The following TERF2IP variants were observed in gnomAD, a reference collection of about 807,000 sequenced individuals.
TERF2IP encodes the protein TERF2 interacting protein, also known as telomeric repeat-binding factor 2-interacting protein 1.
Under a neutral mutation model 33.3 loss-of-function variants are expected in TERF2IP, and 35 were observed. The observed-to-expected ratio is 1.05, with a 90% CI of 0.80 to 1.39. TERF2IP has a LOEUF of 1.39. Ranked by LOEUF, TERF2IP falls within the 40% of genes most tolerant of loss-of-function variation. TERF2IP has a pLI of 0.00. For synonymous variants in TERF2IP, 253 were observed against 223.2 expected (o/e 1.13, Z -1.19); for missense variants, 583 against 524.8 (o/e 1.11, Z -1.08).
chr16:75,654,123 A>G (rs2082366650), intron 1 of TERF2IP, 150 bp from the exon 2 acceptor site: 1 of 641,224 alleles, frequency 1.6e-6, no homozygotes. Context: ...ACCCTTCTGA[A>G]TCAAGAACAG....
At chr16:75,649,151 G>C (rs1018762686) in intron 1 of TERF2IP, among the ~76,000 whole-genome samples, 2 of 152,194 alleles carry the variant, frequency 1.3e-5, no homozygotes, top group African/African-American at 4.8e-5. Flanking sequence ...ACAGGCGTGA[G>C]CCATCACACC....
chr16:75,654,541 G>C, intron 2 of TERF2IP, 144 bp downstream of exon 2: 3 of 889,076 alleles, frequency 3.4e-6, no homozygotes, highest in Non-Finnish European at 3.3e-6. Flanking sequence ...TGGAAAATGG[G>C]ACTGATCTGG....
chr16:75,648,321 T>C lies in TERF2IP; in HGVS notation c.439T>C (p.Tyr147His). 6.4e-7 allele frequency: 1 copy of C among 1,568,658 alleles called. No homozygotes were observed. Among genetic ancestry groups the C allele is most frequent in the Non-Finnish European group, 8.6e-7 (1 of 1,156,664 alleles). ...TDADDVAILT[Y>H]VKENARSPSS... ...TGCGGACGACGTAGCCATCCTTACCTACGTGAAGGAAAATGCCCGCTCGCC... is the reference window on the plus strand; with the variant it reads ...TGCGGACGACGTAGCCATCCTTACCCACGTGAAGGAAAATGCCCGCTCGCC... The change falls in exon 1 of 3, where the codon TAC becomes CAC. Residue 147 changes from tyrosine to histidine, a missense_variant. Tyr to His is a moderately conservative substitution (Grantham distance 83). Coordinates refer to ENST00000300086, the MANE Select transcript of TERF2IP (RefSeq NM_018975.4).
Position 75,647,923 on chromosome 16 carries a change from C to A in TERF2IP, c.41C>A (p.Pro14His). The A allele has an allele frequency of 6.2e-7, 1 of 1,611,642 alleles. No homozygotes were observed. Among genetic ancestry groups the A allele is most frequent in the Non-Finnish European group, 8.5e-7 (1 of 1,178,242 alleles). Residue 14 changes from proline to histidine, a missense_variant, in exon 1 of 3, where the codon CCC becomes CAC. Coordinates refer to ENST00000300086, the MANE Select transcript of TERF2IP (RefSeq NM_018975.4). ...AMDLGKDPNG[P>H]THSSTLFVRD... Reference sequence around the variant, plus strand: ...GATTTGGGCAAAGACCCCAACGGGCCCACCCATTCCTCGACTCTGTTCGTG... The same window carrying A: ...GATTTGGGCAAAGACCCCAACGGGCACACCCATTCCTCGACTCTGTTCGTG...
chr16:75,654,233 A>G (rs1597188496), intron 1 of TERF2IP, 40 bp from the exon 2 acceptor site: 2 of 1,544,616 alleles, frequency 1.3e-6, no homozygotes, highest in Non-Finnish European at 1.8e-6. Context: ...TTTATGTAAA[A>G]GAGGCTATTG....
chr16:75,656,003 G>A (rs557939231), intron 2 of TERF2IP, among the ~76,000 whole-genome samples: 18 of 151,624 alleles, frequency 1.2e-4, no homozygotes, highest in Admixed American at 3.3e-4. Flanking sequence ...ACACACACAC[G>A]CGCACACACA....
intron 1 of TERF2IP, 82 bp from the exon 2 acceptor site, chr16:75,654,191 G>T: frequency 8.7e-7 from 1 of 1,143,652 alleles, no homozygotes; most frequent in Non-Finnish European, 1.2e-6. Flanking sequence ...CTCACTCCTG[G>T]CCCAGAGCTC....
At chr16:75,655,782 A>G (rs1385729838) in intron 2 of TERF2IP, among the ~76,000 whole-genome samples, 1 of 152,212 alleles carries the variant, frequency 6.6e-6, no homozygotes, top group African/African-American at 2.4e-5. Context: ...AACAAAACAT[A>G]CAATTCCTGC....
At chr16:75,652,832 C>T (rs2082357147) in intron 1 of TERF2IP, among the ~76,000 whole-genome samples, 2 of 152,148 alleles carry the variant, frequency 1.3e-5, no homozygotes, top group African/African-American at 4.8e-5. Flanking sequence ...AGAACTTACT[C>T]ATTTTCTAAA....
intron 1 of TERF2IP, among the ~76,000 whole-genome samples, chr16:75,654,029 T>A (rs554716916): frequency 6.2e-4 from 94 of 152,184 alleles, no homozygotes; most frequent in African/African-American, 2.0e-3. Context: ...TGTCAGAGTT[T>A]AAGAATGTAT....
Position 75,647,957 on chromosome 16 carries a change from C to T in TERF2IP, c.75C>T (p.Asp25=), listed in dbSNP as rs1461482613. 1.2e-6 allele frequency: 2 copies of T among 1,613,800 alleles called. No individual in the cohort carries two copies. Among genetic ancestry groups the T allele is most frequent in the Non-Finnish European group, 1.7e-6 (2 of 1,179,840 alleles). ...CCTCGACTCTGTTCGTGAGGGACGA[C>T]GGCAGCTCCATGTCCTTCTACGTGC... The part of the protein sequence containing the change: ...THSSTLFVRD[D]GSSMSFYVRP... The change falls in exon 1 of 3, where the codon GAC becomes GAT. Residue 25 remains aspartate, a synonymous_variant. Transcript: ENST00000300086.
rs1279337692 is a variant in TERF2IP at position 75,648,164 on chromosome 16, G to A, written c.282G>A (p.Leu94=). 1.3e-6 allele frequency: 2 copies of A among 1,565,724 alleles called. No individual in the cohort carries two copies. Among genetic ancestry groups the A allele is most frequent in the Non-Finnish European group, 8.6e-7 (1 of 1,158,068 alleles). Residue 94 remains leucine (L), a synonymous_variant, in exon 1 of 3, where the codon CTG becomes CTA. Transcript: ENST00000300086. ...ACTGCGTGGAGCGCAACGAGAGGCTGGAGCTGGAGGCCTATCGGCTGGGCC... is the reference window on the plus strand; with the variant it reads ...ACTGCGTGGAGCGCAACGAGAGGCTAGAGCTGGAGGCCTATCGGCTGGGCC... The part of the protein sequence containing the change: ...ILDCVERNER[L]ELEAYRLGPA...
chr16:75,654,148 T>TAA (rs34359798), intron 1 of TERF2IP, 125 bp from the exon 2 acceptor site: 5,712 of 289,610 alleles, frequency 0.02, 121 homozygotes, highest in African/African-American at 0.052. Flanking sequence ...CTTCTGATAG[T>TAA]AAAAAAAAAA....
At chr16:75,650,600 A>G (rs184880432) in intron 1 of TERF2IP, among the ~76,000 whole-genome samples, 262 of 152,246 alleles carry the variant, frequency 1.7e-3, no homozygotes, top group African/African-American at 5.9e-3. Context: ...CGGTAGTGCG[A>G]TCACGGCTCA....
chr16:75,648,493 C>T lies in TERF2IP; in HGVS notation c.611C>T (p.Pro204Leu), dbSNP rs1182862626. 1 of 1,588,402 alleles carries T rather than the reference C, an allele frequency of 6.3e-7. No homozygotes were observed. Among genetic ancestry groups the T allele is most frequent in the Non-Finnish European group, 8.6e-7 (1 of 1,167,546 alleles). The change falls in exon 1 of 3, where the codon CCC (proline) becomes CTC (leucine). Residue 204 changes from proline to leucine, a missense_variant. Coordinates refer to ENST00000300086, the MANE Select transcript of TERF2IP (RefSeq NM_018975.4). ...CTGCTGGGGGACGCGCCGGTGAGCC[C>T]CTCCTCCCAGAAGCTCAAGCGGAAG... ...KYLLGDAPVS[P>L]SSQKLKRKAE...
intron 1 of TERF2IP, among the ~76,000 whole-genome samples, chr16:75,653,434 A>G (rs2082361359): frequency 6.6e-6 from 1 of 152,198 alleles, no homozygotes; most frequent in Admixed American, 6.5e-5. Context: ...TTTTGTAACC[A>G]GCACCCACAT....
chr16:75,651,343 G>A (rs1480846420), intron 1 of TERF2IP, among the ~76,000 whole-genome samples: 2 of 152,084 alleles, frequency 1.3e-5, no homozygotes, highest in East Asian at 3.8e-4. Flanking sequence ...TCCCAGAAAA[G>A]GAAATAAATA....
chr16:75,654,204 A>G (rs922199975), intron 1 of TERF2IP, 69 bp from the exon 2 acceptor site: 1 of 1,408,972 alleles, frequency 7.1e-7, no homozygotes, highest in African/African-American at 1.4e-5. Flanking sequence ...CAGAGCTCAC[A>G]CAGCAAATAT....
chr16:75,648,350 C>T lies in TERF2IP; in HGVS notation c.468C>T (p.Ser156=), dbSNP rs1343181695. 1.3e-6 allele frequency: 2 copies of T among 1,595,350 alleles called. No homozygotes were observed. The highest frequency in any genetic ancestry group is 1.3e-5 in the African/African-American group (1 of 74,780). Reference sequence around the variant, plus strand: ...TGAAGGAAAATGCCCGCTCGCCCAGCTCCGTCACCGGTAACGCCTTGTGGA... The same window carrying T: ...TGAAGGAAAATGCCCGCTCGCCCAGTTCCGTCACCGGTAACGCCTTGTGGA... ...TYVKENARSP[S]SVTGNALWKA... is the part of the protein sequence containing the mutation. Residue 156 remains serine (S), a synonymous_variant, in exon 1 of 3, where the codon AGC becomes AGT. Transcript: ENST00000300086.
Sources: allele counts gnomAD v4.1 joint callset (sites outside exome capture counted in the v4.1 genomes callset), GRCh38; gene constraint gnomAD v4.1.1; transcripts MANE v1.5; gene names NCBI Gene and HGNC (gene_info 2026-07-23, HGNC 2026-07-21).